Variants in DST observed in about 807,000 individuals in gnomAD.
DST encodes dystonin.
A neutral mutation model predicts 875.2 loss-of-function variants in DST; 253 were observed. That is an observed-to-expected ratio of 0.29 (90% confidence interval 0.26 to 0.32). DST has a LOEUF of 0.32. Among genes scored for constraint, DST ranks in the 10% least tolerant of loss-of-function variants. The pLI is 1.00. For missense variants in DST, 8,287 were observed against 9,111.6 expected (o/e 0.91, Z 3.68); for synonymous variants, 3,124 against 3,197.1 (o/e 0.98, Z 0.77).
chr6:56,564,125 A>G (rs1176272033), intron 55 of DST, among the ~76,000 whole-genome samples: 2 of 152,210 alleles, frequency 1.3e-5, no homozygotes, highest in Non-Finnish European at 2.9e-5. Context: ...AGTCAATGGT[A>G]GCTTGATGGC....
At position 56,650,923 on chromosome 6, in the gene DST, C is replaced by T; in HGVS notation, c.1434+3G>A. ...CTTCCGGTGTGGAAAAATCAATACT[C>T]ACATTTGCACCAATGCCTTCCCCAC... On this transcript the variant is annotated splice_donor_region_variant and intron_variant, in intron 12 of 103. Transcript: ENST00000680361. The T allele has an allele frequency of 1.3e-6, 2 of 1,585,912 alleles. No homozygotes were observed. The highest frequency in any genetic ancestry group is 1.7e-6 in the Non-Finnish European group (2 of 1,158,170).
At chr6:56,942,439 T>C (rs1321284241) in intron 2 of DST, among the ~76,000 whole-genome samples, 3 of 152,176 alleles carry the variant, frequency 2.0e-5, no homozygotes, top group Non-Finnish European at 4.4e-5. Context: ...TGGATATGTT[T>C]TAGAAGTTCT....
At chr6:56,729,325 T>A (rs1435667514) in intron 5 of DST, among the ~76,000 whole-genome samples, 1 of 152,182 alleles carries the variant, frequency 6.6e-6, no homozygotes, top group African/African-American at 2.4e-5. Context: ...GGGCAGTGGC[T>A]CACGCCTGTA....
At chr6:56,706,236 C>T (rs1038490007) in intron 5 of DST, among the ~76,000 whole-genome samples, 1 of 151,878 alleles carries the variant, frequency 6.6e-6, no homozygotes, top group Non-Finnish European at 1.5e-5. Flanking sequence ...ATCACTTGAA[C>T]TCAGGAGGCG....
chr6:56,577,363 A>G (rs899762746), intron 50 of DST, among the ~76,000 whole-genome samples: 4 of 152,316 alleles, frequency 2.6e-5, no homozygotes, highest in Middle Eastern at 3.4e-3. Context: ...GAGATGCTGC[A>G]TTGGGACAGA....
chr6:56,633,461 C>T (rs2098799953), intron 27 of DST, among the ~76,000 whole-genome samples: 1 of 151,538 alleles, frequency 6.6e-6, no homozygotes, highest in Admixed American at 6.6e-5. Context: ...CTCCTGACCT[C>T]GTGATCCGCC....
Position 56,732,888 on chromosome 6 carries a change from C to T in DST, c.687+2340G>A, listed in dbSNP as rs528997114. On this transcript the variant is annotated intron_variant, in intron 5 of 103. Coordinates refer to ENST00000680361, the MANE Select transcript of DST (RefSeq NM_001374736.1). ...CATTTGAATTCATATTCTCATTTCA[C>T]GACTTCAAGTGCAGCTCTACCAGTA... Among the ~76,000 whole-genome samples the T allele has an allele frequency of 7.2e-5, 11 of 152,332 alleles. 1 individual carries two copies. The South Asian group carries it at 1.5e-3, about 20-fold the overall frequency.
chr6:56,526,063 T>C (rs1366260625), intron 69 of DST, among the ~76,000 whole-genome samples: 1 of 152,208 alleles, frequency 6.6e-6, no homozygotes, highest in Non-Finnish European at 1.5e-5. Context: ...GCAATATGCA[T>C]ATGTGTAGAC....
intron 3 of DST, among the ~76,000 whole-genome samples, chr6:56,876,372 C>T (rs1177452191): frequency 1.3e-5 from 2 of 152,196 alleles, no homozygotes; most frequent in African/African-American, 2.4e-5. Context: ...ATGATCACAT[C>T]ACCTGGTACT....
At chr6:56,859,972 A>T (rs527252450) in intron 3 of DST, among the ~76,000 whole-genome samples, 2 of 152,226 alleles carry the variant, frequency 1.3e-5, no homozygotes, top group Non-Finnish European at 2.9e-5. Context: ...TTCCAAGAGT[A>T]TCCTATCCAA....
At chr6:56,476,002 A>G (rs1005940412) in intron 92 of DST, 147 bp downstream of exon 92, 6 of 678,832 alleles carry the variant, frequency 8.8e-6, no homozygotes, top group Non-Finnish European at 1.1e-5. Context: ...GGGCAGTTGC[A>G]GAGTTGGAAA....
chr6:56,608,632 G>C lies in DST; in HGVS notation c.5996C>G (p.Ser1999Cys). ...AACAGTCATTCTTTGGCCAGAGTTG[G>C]AATTGATCAGACCTCCAGAAAGAAG... ...AQLLSGGLIN[S>C]NSGQRMTVEE... The change falls in exon 40 of 104, where the codon TCC (serine) becomes TGC (cysteine). Residue 1999 changes from serine (S) to cysteine (C), a missense_variant. This residue lies in a region of DST where 3,138 missense variants were observed against 3,116.6 expected (regional missense o/e 1.01). Coordinates refer to ENST00000680361, the MANE Select transcript of DST (RefSeq NM_001374736.1). 6.2e-7 allele frequency: 1 copy of C among 1,613,244 alleles called. No individual in the cohort carries two copies.
intron 5 of DST, among the ~76,000 whole-genome samples, chr6:56,715,131 G>A (rs1008138628): frequency 6.6e-6 from 1 of 152,148 alleles, no homozygotes; most frequent in Non-Finnish European, 1.5e-5. Context: ...CATGCACTCA[G>A]CTGTGGGCTC....
chr6:56,835,824 A>T (rs903506731), intron 4 of DST, among the ~76,000 whole-genome samples: 1 of 152,212 alleles, frequency 6.6e-6, no homozygotes, highest in Admixed American at 6.5e-5. Flanking sequence ...ACCAGGGTTC[A>T]CTGGGAAATA....
chr6:56,547,006 C>A (rs1180571067), intron 61 of DST, among the ~76,000 whole-genome samples: 4 of 152,148 alleles, frequency 2.6e-5, no homozygotes, highest in Admixed American at 2.6e-4. Context: ...GCCTTCAGAA[C>A]AACCAACTTT....
intron 3 of DST, among the ~76,000 whole-genome samples, chr6:56,892,816 A>G (rs1053041764): frequency 6.6e-6 from 1 of 152,190 alleles, no homozygotes; most frequent in African/African-American, 2.4e-5. Flanking sequence ...TCAGATGCCA[A>G]ATGCCAAACG....
rs757773362 is a variant in DST at position 56,606,938 on chromosome 6, C to T, written c.7690G>A (p.Gly2564Arg). ...ACAATGGCATTATCAGTATCACCCC[C>T]TGGAGTCACAGCACAGGAATACTCT... is the stretch of plus-strand genomic sequence containing the variant. ...IEEYSCAVTP[G>R]GDTDNAIVSL... The change falls in exon 40 of 104, where the codon GGG becomes AGG. Residue 2564 changes from glycine to arginine, a missense_variant. By Grantham distance (125) the Gly-to-Arg change is moderately radical. This residue lies in a region of DST where 3,138 missense variants were observed against 3,116.6 expected (regional missense o/e 1.01). Coordinates refer to ENST00000680361, the MANE Select transcript of DST (RefSeq NM_001374736.1). The T allele has an allele frequency of 8.7e-6, 14 of 1,613,372 alleles. No individual in the cohort carries two copies. The Admixed American group carries it at 2.3e-4, about 27-fold the overall frequency.
chr6:56,775,401 T>C (rs1590045188), intron 4 of DST, among the ~76,000 whole-genome samples: 1 of 152,202 alleles, frequency 6.6e-6, no homozygotes, highest in Admixed American at 6.5e-5. Context: ...CCTAATTACA[T>C]AGACAATGGG....
chr6:56,632,640 G>A (rs888159282), intron 28 of DST, among the ~76,000 whole-genome samples: 1 of 152,166 alleles, frequency 6.6e-6, no homozygotes, highest in Non-Finnish European at 1.5e-5. Context: ...CAACCAGTTG[G>A]TTGGCACCTT....
Sources: allele counts gnomAD v4.1 joint callset (sites outside exome capture counted in the v4.1 genomes callset), GRCh38; gene constraint gnomAD v4.1.1; regional missense constraint gnomAD v4.1.1; transcripts MANE v1.5; gene names NCBI Gene and HGNC (gene_info 2026-07-23, HGNC 2026-07-21).